ROBO2: variants seen among roughly 807,000 people sequenced by gnomAD.
ROBO2 encodes the protein roundabout guidance receptor 2, also known as roundabout homolog 2.
Under a neutral mutation model 160.8 loss-of-function variants are expected in ROBO2, and 53 were observed. The observed-to-expected ratio is 0.33, with a 90% CI of 0.26 to 0.41. The LOEUF is 0.41. ROBO2 is among the 10% of genes least tolerant of loss of function. The pLI is 1.00. For synonymous variants in ROBO2, 664 were observed against 611.7 expected (o/e 1.09, Z -1.26); for missense variants, 1,577 against 1,722.4 (o/e 0.92, Z 1.49).
intron 2 of ROBO2, among the ~76,000 whole-genome samples, chr3:76,611,331 C>A (rs2088106780): frequency 6.6e-6 from 1 of 152,062 alleles, no homozygotes; most frequent in Admixed American, 6.6e-5. Flanking sequence ...TACTGAATAG[C>A]TTTAGTAGGA....
intron 1 of ROBO2, among the ~76,000 whole-genome samples, chr3:77,063,208 C>T (rs12330881): frequency 0.036 from 5,539 of 152,206 alleles, 349 homozygotes; most frequent in African/African-American, 0.13. Context: ...AGTAAGGTTT[C>T]GCCAAGGGCT....
At chr3:77,094,313 G>A (rs946619167) in intron 1 of ROBO2, among the ~76,000 whole-genome samples, 4 of 152,138 alleles carry the variant, frequency 2.6e-5, no homozygotes, top group African/African-American at 9.7e-5. Flanking sequence ...GTTGTAGCAT[G>A]TATTATTAAT....
At chr3:77,116,225 C>T (rs1159114548) in intron 2 of ROBO2, among the ~76,000 whole-genome samples, 4 of 152,182 alleles carry the variant, frequency 2.6e-5, no homozygotes, top group Non-Finnish European at 5.9e-5. Flanking sequence ...TCTTTATAAT[C>T]ACATAGCTGT....
intron 1 of ROBO2, among the ~76,000 whole-genome samples, chr3:77,077,811 C>A (rs2068171282): frequency 6.6e-6 from 1 of 152,158 alleles, no homozygotes; most frequent in Non-Finnish European, 1.5e-5. Context: ...GTACTGGTGG[C>A]TCAGCTGCAT....
chr3:76,572,858 C>T (rs1368273581), intron 2 of ROBO2, among the ~76,000 whole-genome samples: 2 of 152,148 alleles, frequency 1.3e-5, no homozygotes, highest in African/African-American at 4.8e-5. Flanking sequence ...AGTCCCGGGA[C>T]ACACTGAACT....
intron 2 of ROBO2, among the ~76,000 whole-genome samples, chr3:76,071,708 C>G (rs1009149917): frequency 1.1e-4 from 17 of 151,850 alleles, no homozygotes; most frequent in Non-Finnish European, 2.4e-4. Flanking sequence ...TTTAAATTCA[C>G]TAAGAGAATT....
exon 9 of ROBO2, chr3:77,558,072 G>A (rs1364188928): frequency 6.2e-7 from 1 of 1,613,228 alleles, no homozygotes; most frequent in East Asian, 2.2e-5. Flanking sequence ...CTGGTTAAAG[G>A]AGGGATTTAC....
chr3:76,874,955 C>T (rs2072541246), intron 2 of ROBO2, among the ~76,000 whole-genome samples: 1 of 152,144 alleles, frequency 6.6e-6, no homozygotes, highest in African/African-American at 2.4e-5. Context: ...AATGTTTTAA[C>T]ATGAGAACAT....
chr3:77,538,358 T>A (rs894994918), intron 6 of ROBO2, among the ~76,000 whole-genome samples: 1 of 151,874 alleles, frequency 6.6e-6, no homozygotes, highest in Non-Finnish European at 1.5e-5. Flanking sequence ...TTTGTATTTT[T>A]AGTAGAGACG....
intron 4 of ROBO2, among the ~76,000 whole-genome samples, chr3:77,488,555 T>C (rs2085667314): frequency 1.3e-5 from 2 of 152,242 alleles, no homozygotes; most frequent in Admixed American, 1.3e-4. Flanking sequence ...TACAGAGCTC[T>C]AATTGTCCAA....
rs182803928 is a variant in ROBO2, at chr3:77,191,797, A to G, written c.388+93457A>G. On this transcript the variant is annotated intron_variant, in intron 2 of 25. Coordinates refer to ENST00000461745, the Ensembl canonical transcript of ROBO2. ...TCATTACTGGGCCTTTTACACAAAC[A>G]CAAAATGCATCTTAGTTTATTTGAA... Among the ~76,000 whole-genome samples the G allele has an allele frequency of 6.2e-3, 942 of 152,304 alleles. 9 individuals are homozygous for G. Among genetic ancestry groups the G allele is most frequent in the African/African-American group, 0.02 (838 of 41,568 alleles).
At chr3:77,048,022 C>T (rs4074165) in intron 1 of ROBO2, among the ~76,000 whole-genome samples, 14,746 of 151,784 alleles carry the variant, frequency 0.097, 926 homozygotes, top group East Asian at 0.21. Context: ...ACTCCAGCCT[C>T]GGCGACAGAG....
chr3:77,234,236 T>A (rs2151305449), intron 2 of ROBO2, among the ~76,000 whole-genome samples: 1 of 152,292 alleles, frequency 6.6e-6, no homozygotes, highest in South Asian at 2.1e-4. Flanking sequence ...TGAAATCAAA[T>A]CTGATTCTTC....
chr3:76,009,227 C>G (rs2066123989), intron 2 of ROBO2, among the ~76,000 whole-genome samples: 1 of 152,134 alleles, frequency 6.6e-6, no homozygotes, highest in African/African-American at 2.4e-5. Flanking sequence ...CTCAGCCACC[C>G]GAGTAGCTGA....
chr3:76,422,155 A>G (rs1455151778), intron 2 of ROBO2, among the ~76,000 whole-genome samples: 1 of 152,212 alleles, frequency 6.6e-6, no homozygotes, highest in East Asian at 1.9e-4. Context: ...ATAACCTAAT[A>G]TGTATAATAA....
chr3:76,189,005 G>A (rs1468083766), intron 2 of ROBO2, among the ~76,000 whole-genome samples: 1 of 152,104 alleles, frequency 6.6e-6, no homozygotes, highest in Non-Finnish European at 1.5e-5. Context: ...AGCAGTTGGT[G>A]ACCTTTGAGG....
At chr3:77,515,162 G>A (rs998959425) in intron 5 of ROBO2, among the ~76,000 whole-genome samples, 3 of 151,610 alleles carry the variant, frequency 2.0e-5, no homozygotes, top group East Asian at 1.9e-4. Context: ...ACAATTACAG[G>A]CCTATCCTTT....
At chr3:76,057,170 G>A (rs937349903) in intron 2 of ROBO2, among the ~76,000 whole-genome samples, 2 of 151,938 alleles carry the variant, frequency 1.3e-5, no homozygotes, top group African/African-American at 4.8e-5. Context: ...TTATTTATAC[G>A]TGCTTCAATC....
chr3:76,792,462 T>C (rs1299820747), intron 2 of ROBO2, among the ~76,000 whole-genome samples: 1 of 151,834 alleles, frequency 6.6e-6, no homozygotes, highest in Non-Finnish European at 1.5e-5. Context: ...GTACGAGCTG[T>C]TATTTTAATG....
Sources: allele counts gnomAD v4.1 joint callset (sites outside exome capture counted in the v4.1 genomes callset), GRCh38; gene constraint gnomAD v4.1.1; transcripts MANE v1.5; gene names NCBI Gene and HGNC (gene_info 2026-07-23, HGNC 2026-07-21).